EHMT1: variants seen among roughly 807,000 people sequenced by gnomAD.
EHMT1 encodes the protein histone-lysine N-methyltransferase EHMT1.
EHMT1 carries 15 observed loss-of-function variants against 147.2 expected under a neutral mutation model. The observed-to-expected ratio is 0.10, with a 90% CI of 0.07 to 0.16. EHMT1 has a LOEUF of 0.16. Among genes scored for constraint, EHMT1 ranks in the 10% least tolerant of loss-of-function variants. The pLI is 1.00. For missense variants in EHMT1, 1,587 were observed against 1,772.4 expected (o/e 0.90, Z 1.88); for synonymous variants, 795 against 709.6 (o/e 1.12, Z -1.91).
At chr9:137,663,850 C>G (rs983076191) in intron 1 of EHMT1, among the ~76,000 whole-genome samples, 6 of 152,154 alleles carry the variant, frequency 3.9e-5, no homozygotes, top group African/African-American at 1.4e-4. Flanking sequence ...TGTCCTTGTT[C>G]CCTGTGATCT....
chr9:137,680,066 A>G (rs1343308071), intron 1 of EHMT1, among the ~76,000 whole-genome samples: 1 of 151,810 alleles, frequency 6.6e-6, no homozygotes, highest in Admixed American at 6.6e-5. Context: ...CTTGTATTGT[A>G]TTCCCCCTTC....
intron 1 of EHMT1, among the ~76,000 whole-genome samples, chr9:137,691,478 G>T (rs896154407): frequency 1.3e-5 from 2 of 151,856 alleles, no homozygotes; most frequent in Admixed American, 1.3e-4. Flanking sequence ...GCGCCCAGCC[G>T]TAATGTTCTG....
At chr9:137,651,931 A>G (rs1176508047) in intron 1 of EHMT1, among the ~76,000 whole-genome samples, 1 of 152,256 alleles carries the variant, frequency 6.6e-6, no homozygotes, top group Non-Finnish European at 1.5e-5. Context: ...AAAGTCTAGC[A>G]CATACAGTTA....
chr9:137,772,599 C>T (rs1285720717), intron 10 of EHMT1, among the ~76,000 whole-genome samples: 4 of 152,226 alleles, frequency 2.6e-5, no homozygotes, highest in Non-Finnish European at 5.9e-5. Context: ...CGGTGCGGAC[C>T]CACCTTCAGG....
At chr9:137,724,056 AT>A (rs1315591961) in intron 3 of EHMT1, among the ~76,000 whole-genome samples, 2 of 152,096 alleles carry the variant, frequency 1.3e-5, no homozygotes, top group Non-Finnish European at 2.9e-5. Flanking sequence ...TTCCTTGTAA[AT>A]TGTGCCCACT....
At position 137,718,740 on chromosome 9, in the gene EHMT1, CTCTT is replaced by C. The variant is rs560857615; in HGVS notation, c.642+1560_642+1563del. 9.0e-3 allele frequency among the ~76,000 whole-genome samples: 1,342 copies of C among 149,374 alleles called. 14 individuals are homozygous for C. The highest frequency in any genetic ancestry group is 0.012 in the Non-Finnish European group (811 of 67,810). ...GCCCAGTATCTCTGATTAGTTCTCT[CTCTT>C]TTTCTTTTTCTTTTTCTTTTTTTTT... is the stretch of plus-strand genomic sequence containing the variant. On this transcript the variant is annotated intron_variant, in intron 3 of 26. Coordinates refer to ENST00000460843, the MANE Select transcript of EHMT1 (RefSeq NM_024757.5).
chr9:137,818,270 C>T, intron 25 of EHMT1, 132 bp downstream of exon 25: 1 of 988,954 alleles, frequency 1.0e-6, no homozygotes, highest in Non-Finnish European at 1.6e-6. Flanking sequence ...TATAGACCTG[C>T]TGAGTGCCGC....
intron 1 of EHMT1, among the ~76,000 whole-genome samples, chr9:137,664,288 CTTTTTTT>C (rs796427218): frequency 7.0e-6 from 1 of 142,238 alleles, no homozygotes; most frequent in Non-Finnish European, 1.5e-5. Context: ...TTTAGCCATA[CTTTTTTT>C]TTTTTTTTTC....
At position 137,760,805 on chromosome 9, in the gene EHMT1, C is replaced by G. The variant is rs551297397; in HGVS notation, c.1502-1870C>G. On this transcript the variant is annotated intron_variant, in intron 9 of 26. Coordinates refer to ENST00000460843, the MANE Select transcript of EHMT1 (RefSeq NM_024757.5). The stretch of plus-strand genomic sequence containing the variant: ...TGGGCAGATCACAAGGTCAGGAGAT[C>G]GAGACCATCCTGGCTAACACAGTGA... Among the ~76,000 whole-genome samples the G allele has an allele frequency of 3.0e-4, 46 of 152,296 alleles. No individual in the cohort carries two copies. The South Asian group carries it at 6.8e-3, about 23-fold the overall frequency.
rs571670115 is a variant in EHMT1 at position 137,811,678 on chromosome 9, C to A, written c.2867+63C>A. ...ACCTGACCTGGGCGCCCAGAGAGAC[C>A]GCTTGACAGTCTTGTGTTCACACTT... On this transcript the variant is annotated intron_variant, in intron 19 of 26. Transcript: ENST00000460843. 3 of 1,593,582 alleles carry A rather than the reference C, an allele frequency of 1.9e-6. No individual in the cohort carries two copies. In the African/African-American group the frequency reaches 4.0e-5, roughly 21 times the overall value.
Position 137,818,052 on chromosome 9 carries a change from C to G in EHMT1, c.3462-8C>G, listed in dbSNP as rs1423426789. On this transcript the variant is annotated splice_region_variant and splice_polypyrimidine_tract_variant and intron_variant, in intron 24 of 26. Transcript: ENST00000460843. ...TCCAGGGCCTCACCTGCACCGCACC[C>G]TCTGCAGGTATGTTGGGGAGCTGAT... 6.2e-7 allele frequency: 1 copy of G among 1,614,198 alleles called. No homozygotes were observed. The highest frequency in any genetic ancestry group is 8.5e-7 in the Non-Finnish European group (1 of 1,180,034).
At chr9:137,708,066 A>T (rs1346491286) in intron 1 of EHMT1, among the ~76,000 whole-genome samples, 1 of 152,264 alleles carries the variant, frequency 6.6e-6, no homozygotes, top group Non-Finnish European at 1.5e-5. Flanking sequence ...ATTTTTAAAA[A>T]ATAATAAAAG....
chr9:137,659,288 C>A (rs777920309), intron 1 of EHMT1, among the ~76,000 whole-genome samples: 3 of 151,882 alleles, frequency 2.0e-5, no homozygotes, highest in African/African-American at 7.3e-5. Context: ...CCCATTTTTT[C>A]ATGCTTTGTG....
chr9:137,814,649 A>T, intron 22 of EHMT1, 141 bp downstream of exon 22: 1 of 953,392 alleles, frequency 1.0e-6, no homozygotes, highest in South Asian at 1.4e-5. Flanking sequence ...TGTGACAGGC[A>T]GGGGAGGCAC....
At chr9:137,658,021 TC>T (rs1330475390) in intron 1 of EHMT1, among the ~76,000 whole-genome samples, 1 of 152,180 alleles carries the variant, frequency 6.6e-6, no homozygotes, top group Admixed American at 6.6e-5. Context: ...GACCTCCAGT[TC>T]CATCCTAGTT....
chr9:137,649,458 T>TCAAACAAA (rs113684662), intron 1 of EHMT1, among the ~76,000 whole-genome samples: 2,501 of 150,094 alleles, frequency 0.017, 61 homozygotes, highest in African/African-American at 0.053. Context: ...AGACTCCGAC[T>TCAAACAAA]CAAACAAACA....
At chr9:137,806,143 A>C (rs954172565) in intron 18 of EHMT1, among the ~76,000 whole-genome samples, 4 of 151,808 alleles carry the variant, frequency 2.6e-5, no homozygotes, top group Non-Finnish European at 4.4e-5. Context: ...TATTTTTATT[A>C]GGGATGGGGG....
intron 12 of EHMT1, 86 bp from the exon 13 acceptor site, chr9:137,777,796 A>T (rs1951069969): frequency 3.8e-6 from 6 of 1,575,068 alleles, no homozygotes; most frequent in Non-Finnish European, 5.2e-6. Context: ...GCTCTCACTT[A>T]GAAAACAGCG....
intron 8 of EHMT1, among the ~76,000 whole-genome samples, chr9:137,757,523 C>T (rs1191732772): frequency 6.6e-6 from 1 of 152,232 alleles, no homozygotes; most frequent in Non-Finnish European, 1.5e-5. Flanking sequence ...TAATCTACAA[C>T]ATATGACTAC....
Sources: allele counts gnomAD v4.1 joint callset (sites outside exome capture counted in the v4.1 genomes callset), GRCh38; gene constraint gnomAD v4.1.1; transcripts MANE v1.5; gene names NCBI Gene and HGNC (gene_info 2026-07-23, HGNC 2026-07-21).